GHR: variants seen among roughly 807,000 people sequenced by gnomAD.
GHR encodes the protein growth hormone receptor, also known as GH receptor.
In GHR, 35 loss-of-function variants were observed where a neutral mutation model predicts 67.1. That is an observed-to-expected ratio of 0.52 (90% CI 0.40 to 0.69). GHR has a LOEUF of 0.69. Among genes scored for constraint, GHR ranks in the 30% least tolerant of loss-of-function variants. GHR has a pLI of 0.00. For synonymous variants in GHR, 272 were observed against 269.1 expected, an observed-to-expected ratio of 1.01 and a Z score of -0.10; for missense variants, 792 against 764.6, an observed-to-expected ratio of 1.04 and a Z score of -0.42.
At chr5:42,620,045 G>A (rs1176973956) in intron 2 of GHR, among the ~76,000 whole-genome samples, 1 of 152,124 alleles carries the variant, frequency 6.6e-6, no homozygotes, top group Non-Finnish European at 1.5e-5. Flanking sequence ...GGGTGACAGT[G>A]AGTGGAAGAA....
chr5:42,681,314 T>G (rs1387692822), intron 3 of GHR, among the ~76,000 whole-genome samples: 1 of 149,894 alleles, frequency 6.7e-6, no homozygotes, highest in Admixed American at 6.6e-5. Flanking sequence ...AACAGACACT[T>G]CTCAAAAGAA....
chr5:42,500,783 T>C (rs997690238), intron 1 of GHR, among the ~76,000 whole-genome samples: 2 of 152,194 alleles, frequency 1.3e-5, no homozygotes, highest in Non-Finnish European at 2.9e-5. Context: ...GAACCACTGA[T>C]TTTGTTTGCC....
chr5:42,584,585 C>A (rs1229240782), intron 2 of GHR, among the ~76,000 whole-genome samples: 1 of 152,106 alleles, frequency 6.6e-6, no homozygotes, highest in African/African-American at 2.4e-5. Flanking sequence ...CAATTATTAA[C>A]CCTTTTTGTG....
chr5:42,437,943 A>G (rs1295470170), intron 1 of GHR, among the ~76,000 whole-genome samples: 1 of 151,710 alleles, frequency 6.6e-6, no homozygotes, highest in East Asian at 1.9e-4. Flanking sequence ...TACTTTTCTG[A>G]CTGCCTCTCT....
At chr5:42,687,615 T>G (rs1757223454) in intron 3 of GHR, among the ~76,000 whole-genome samples, 1 of 152,232 alleles carries the variant, frequency 6.6e-6, no homozygotes, top group Non-Finnish European at 1.5e-5. Context: ...CCTTATGAGT[T>G]TGTTGCCAGA....
At chr5:42,667,303 A>G (rs1433402766) in intron 3 of GHR, among the ~76,000 whole-genome samples, 1 of 152,140 alleles carries the variant, frequency 6.6e-6, no homozygotes, top group East Asian at 1.9e-4. Context: ...ACATCCTCTT[A>G]TATGGAGGTT....
chr5:42,466,928 A>T (rs1744757312), intron 1 of GHR: 1 of 1,521,866 alleles, frequency 6.6e-7, no homozygotes, highest in Admixed American at 2.2e-5. Context: ...ATGAGGTGTG[A>T]GTTGGAAATG....
At chr5:42,583,872 A>C (rs546758947) in intron 2 of GHR, among the ~76,000 whole-genome samples, 1 of 145,248 alleles carries the variant, frequency 6.9e-6, no homozygotes, top group South Asian at 2.3e-4. Flanking sequence ...TATATCTTTA[A>C]ATAAAGATAT....
intron 3 of GHR, among the ~76,000 whole-genome samples, chr5:42,682,107 A>G (rs1756912645): frequency 6.6e-6 from 1 of 152,226 alleles, no homozygotes; most frequent in Non-Finnish European, 1.5e-5. Context: ...GGATGAGTTC[A>G]CGTCCTTTGC....
chr5:42,492,487 G>C (rs1259016798), intron 1 of GHR, among the ~76,000 whole-genome samples: 1 of 152,194 alleles, frequency 6.6e-6, no homozygotes, highest in Admixed American at 6.6e-5. Flanking sequence ...TAGGCAGCTG[G>C]TGGTTTTCTG....
In GHR at chr5:42,424,435, T is replaced by G. The variant is rs1579671615; in HGVS notation, c.-12+480T>G. 1.6e-6 allele frequency: 1 copy of G among 639,650 alleles called. No homozygotes were observed. Among genetic ancestry groups the G allele is most frequent in the Non-Finnish European group, 2.8e-6 (1 of 361,264 alleles). 39.6% of individuals were successfully genotyped at this position (639,650 alleles called of 1,614,324 possible). A position where few individuals can be genotyped will look rare whatever the true frequency, so the allele number is the denominator to read the frequency against. ...GCTGCTGCTGTTGCGCGGGGAAGAA[T>G]CCCCGGCAGCGCGACTGGAGAGACT... On this transcript the variant is annotated intron_variant, in intron 1 of 9. Transcript: ENST00000230882. The surrounding 1 kb of genome is among the most constrained non-coding windows in gnomAD (Gnocchi z 4.1).
chr5:42,589,834 G>A (rs1470340532), intron 2 of GHR, among the ~76,000 whole-genome samples: 1 of 152,124 alleles, frequency 6.6e-6, no homozygotes, highest in South Asian at 2.1e-4. Context: ...CATCAGATGG[G>A]TTACCATTAC....
At chr5:42,443,958 G>A (rs865783512) in intron 1 of GHR, among the ~76,000 whole-genome samples, 3 of 148,088 alleles carry the variant, frequency 2.0e-5, no homozygotes, top group South Asian at 4.2e-4. Context: ...TATAGATATA[G>A]ATAGATATAG....
chr5:42,624,564 T>A (rs1028011364), intron 2 of GHR, among the ~76,000 whole-genome samples: 29 of 152,268 alleles, frequency 1.9e-4, no homozygotes, highest in African/African-American at 7.0e-4. Context: ...TACAGCTTCA[T>A]GAATTTGGAG....
In GHR at chr5:42,699,899, A is replaced by T. The variant is rs121909368; in HGVS notation, c.515A>T (p.Gln172Leu). Reference sequence around the variant, plus strand: ...TTAACTGGGATTCATGCAGATATCCAAGTGAGATGGGAAGCACCACGCAAT... The same window carrying T: ...TTAACTGGGATTCATGCAGATATCCTAGTGAGATGGGAAGCACCACGCAAT... ...VSLTGIHADI[Q>L]VRWEAPRNAD... Residue 172 changes from glutamine to leucine, a missense_variant, in exon 6 of 10, where the codon CAA becomes CTA. Transcript: ENST00000230882. 3 of 1,601,162 alleles carry T rather than the reference A, an allele frequency of 1.9e-6. No homozygotes were observed. Among genetic ancestry groups the T allele is most frequent in the Non-Finnish European group, 2.6e-6 (3 of 1,168,302 alleles).
In GHR at chr5:42,713,418, G is replaced by T. The variant is rs762540299; in HGVS notation, c.785-11G>T. The T allele has an allele frequency of 1.7e-6, 2 of 1,157,724 alleles. No individual in the cohort carries two copies. The highest frequency in any genetic ancestry group is 2.6e-6 in the Non-Finnish European group (2 of 766,752). The allele number at this position is 1,157,724 out of a possible 1,614,324, so 71.7% of individuals were successfully genotyped here. A position where few individuals can be genotyped will look rare whatever the true frequency, so the allele number is the denominator to read the frequency against. On this transcript the variant is annotated splice_polypyrimidine_tract_variant and intron_variant, in intron 7 of 9. Coordinates refer to ENST00000230882, the MANE Select transcript of GHR (RefSeq NM_000163.5). ...GTAATTCTGAAAGCGAAATATTCTT[G>T]TGTGTTTCAGATTTCTACTTTCCAT...
At chr5:42,468,302 C>T (rs1333880912) in intron 1 of GHR, 5 of 1,573,018 alleles carry the variant, frequency 3.2e-6, no homozygotes, top group Non-Finnish European at 4.4e-6. Flanking sequence ...AGGGCCATGG[C>T]TTCTCTCAAT....
chr5:42,487,627 G>T (rs188762131), intron 1 of GHR, among the ~76,000 whole-genome samples: 1 of 146,936 alleles, frequency 6.8e-6, no homozygotes, highest in Admixed American at 6.7e-5. Context: ...TATTTACTCA[G>T]TGGGCCATAT....
intron 1 of GHR, among the ~76,000 whole-genome samples, chr5:42,477,036 C>T (rs1745362742): frequency 8.5e-6 from 1 of 117,350 alleles, no homozygotes; most frequent in Non-Finnish European, 1.7e-5. Context: ...TCCCCCCTCC[C>T]CCCACCCCAC....
Sources: gnomAD v4.1 joint callset for allele counts (sites outside exome capture counted in the v4.1 genomes callset) on GRCh38, gnomAD v4.1.1 for gene constraint, Gnocchi (gnomAD v3.1) non-coding constraint, MANE v1.5 for transcripts, NCBI Gene and HGNC (gene_info 2026-07-23, HGNC 2026-07-21) for gene names.